AFF2: variants seen among roughly 807,000 people sequenced by gnomAD.
AFF2 encodes AF4/FMR2 family member 2.
AFF2 carries 14 observed loss-of-function variants against 76.9 expected under a neutral mutation model. The ratio of observed to expected loss-of-function variants is 0.18; its 90% CI spans 0.12 to 0.28. AFF2 has a LOEUF of 0.28. AFF2 is among the 10% of genes least tolerant of loss of function. AFF2 has a pLI of 1.00. For synonymous variants in AFF2, 398 were observed against 366.7 expected, an observed-to-expected ratio of 1.09 and a Z score of -0.98; for missense variants, 868 against 1,001.1, an observed-to-expected ratio of 0.87 and a Z score of 1.79.
chrX:148,779,471 G>A (rs2069712419), intron 3 of AFF2, among the ~76,000 whole-genome samples: 1 of 111,602 alleles, frequency 9.0e-6, no homozygotes, highest in Non-Finnish European at 1.9e-5. Context: ...TTATTGTGTG[G>A]GAGTCTAAGT....
chrX:148,636,176 C>T (rs1446937345), intron 1 of AFF2, among the ~76,000 whole-genome samples: 1 of 111,250 alleles, frequency 9.0e-6, no homozygotes, highest in African/African-American at 3.3e-5. Flanking sequence ...TCATACATTA[C>T]GATGAATAGA....
chrX:148,884,707 C>T (rs1184479747), intron 7 of AFF2, among the ~76,000 whole-genome samples: 4 of 112,491 alleles, frequency 3.6e-5, no homozygotes, highest in African/African-American at 1.3e-4. Flanking sequence ...CCTCTGCCCT[C>T]ATGGGAATTA....
At chrX:148,571,451 G>T (rs959521147) in intron 1 of AFF2, among the ~76,000 whole-genome samples, 1 of 111,582 alleles carries the variant, frequency 9.0e-6, no homozygotes, top group African/African-American at 3.3e-5. Flanking sequence ...GTAAGTTTGG[G>T]TCTGAAAGAT....
chrX:148,975,297 C>A (rs188043160), intron 16 of AFF2, among the ~76,000 whole-genome samples: 1,290 of 111,848 alleles, frequency 0.012, 13 homozygotes, highest in African/African-American at 0.039. Flanking sequence ...GTATGATGTT[C>A]AATTTGACAT....
rs181197018 is a variant in AFF2, at chrX:148,709,876, T to C, written c.1041+47108T>C. On this transcript the variant is annotated intron_variant, in intron 3 of 20. Transcript: ENST00000370460. ...ACTGCTGGAAGGCAGGGTTTTAAGA[T>C]AAACTCTCTTTAGAGGGCTTTTCAA... Among the ~76,000 whole-genome samples the C allele has an allele frequency of 5.3e-5, 6 of 112,274 alleles. No homozygotes were observed. The East Asian group carries it at 1.1e-3, about 21-fold the overall frequency.
chrX:148,619,815 T>A (rs1245131426), intron 1 of AFF2, among the ~76,000 whole-genome samples: 2 of 112,194 alleles, frequency 1.8e-5, no homozygotes, highest in Non-Finnish European at 3.8e-5. Flanking sequence ...ACAGTCTTGA[T>A]GACTGCTATT....
At chrX:148,738,449 G>A (rs782812518) in intron 3 of AFF2, among the ~76,000 whole-genome samples, 193 of 111,349 alleles carry the variant, frequency 1.7e-3, no homozygotes, top group Non-Finnish European at 3.2e-3. Flanking sequence ...GTATTTCAGT[G>A]GTGTCAGTTG....
At chrX:148,734,510 C>A (rs926689095) in intron 3 of AFF2, among the ~76,000 whole-genome samples, 8 of 111,540 alleles carry the variant, frequency 7.2e-5, no homozygotes, top group Admixed American at 2.9e-4. Context: ...ATGCTTTATT[C>A]AATTCGCCAC....
At chrX:148,971,623 A>G (rs2072253145) in intron 15 of AFF2, among the ~76,000 whole-genome samples, 1 of 109,433 alleles carries the variant, frequency 9.1e-6, no homozygotes, top group Non-Finnish European at 1.9e-5. Flanking sequence ...GCCTATATTA[A>G]TGAAAGAAAA....
chrX:148,760,569 C>T (rs782785854), intron 3 of AFF2, among the ~76,000 whole-genome samples: 4 of 111,978 alleles, frequency 3.6e-5, no homozygotes, highest in Admixed American at 2.8e-4. Context: ...GTGCCAATTG[C>T]ATGCTCACAG....
intron 3 of AFF2, among the ~76,000 whole-genome samples, chrX:148,807,047 G>A (rs1452268469): frequency 8.9e-6 from 1 of 112,083 alleles, no homozygotes; most frequent in East Asian, 2.8e-4. Flanking sequence ...ATCACTGAGT[G>A]TGAATGCATA....
At chrX:148,561,503 A>C (rs1457387775) in intron 1 of AFF2, among the ~76,000 whole-genome samples, 2 of 112,072 alleles carry the variant, frequency 1.8e-5, no homozygotes, top group African/African-American at 6.5e-5. Flanking sequence ...GCTGAGTGTC[A>C]GCTTTCAGTT....
intron 3 of AFF2, among the ~76,000 whole-genome samples, chrX:148,758,456 G>C (rs2069401448): frequency 8.9e-6 from 1 of 111,975 alleles, no homozygotes; most frequent in South Asian, 3.7e-4. Flanking sequence ...CTGCAGAAAT[G>C]AATAAAAACT....
chrX:148,941,946 A>T (rs1557285617), intron 9 of AFF2, among the ~76,000 whole-genome samples: 2 of 110,447 alleles, frequency 1.8e-5, no homozygotes, highest in African/African-American at 6.6e-5. Context: ...ATTTTCTTAT[A>T]ACAAGAAAAT....
chrX:148,854,354 C>T (rs191219191), intron 7 of AFF2, among the ~76,000 whole-genome samples: 1 of 111,214 alleles, frequency 9.0e-6, no homozygotes, highest in African/African-American at 3.3e-5. Context: ...CGAAGCAGAG[C>T]TGTTTTCTGC....
chrX:148,798,750 C>T (rs182084314), intron 3 of AFF2, among the ~76,000 whole-genome samples: 17 of 111,982 alleles, frequency 1.5e-4, no homozygotes, highest in East Asian at 5.6e-4. Context: ...ATGCTGTCCA[C>T]GTTAATTGGC....
At chrX:148,513,273 G>A (rs1557233362) in intron 1 of AFF2, among the ~76,000 whole-genome samples, 1 of 111,844 alleles carries the variant, frequency 8.9e-6, no homozygotes, top group African/African-American at 3.3e-5. Context: ...CCTCACCCTT[G>A]ACCCTGGGGT....
intron 1 of AFF2, among the ~76,000 whole-genome samples, chrX:148,509,778 C>A (rs1326299126): frequency 9.0e-6 from 1 of 111,559 alleles, no homozygotes; most frequent in Non-Finnish European, 1.9e-5. Context: ...TTCTTTTTTC[C>A]TAAAAAGGGA....
chrX:148,541,442 G>A (rs908721226), intron 1 of AFF2, among the ~76,000 whole-genome samples: 6 of 111,431 alleles, frequency 5.4e-5, no homozygotes, highest in South Asian at 3.8e-4. Flanking sequence ...TCTATTATTC[G>A]CTGGGGAGTG....
Sources: allele counts gnomAD v4.1 joint callset (sites outside exome capture counted in the v4.1 genomes callset), GRCh38; gene constraint gnomAD v4.1.1; transcripts MANE v1.5; gene names NCBI Gene and HGNC (gene_info 2026-07-23, HGNC 2026-07-21).